Variants in MYT1L observed in about 807,000 individuals in gnomAD.
The protein encoded by MYT1L is myelin transcription factor 1 like, also known as myelin transcription factor 1-like protein.
MYT1L carries 12 observed loss-of-function variants against 126.7 expected under a neutral mutation model. That is an observed-to-expected ratio of 0.09 (90% CI 0.06 to 0.15). The LOEUF (loss-of-function observed/expected upper bound fraction) is 0.15. MYT1L is among the 10% of genes least tolerant of loss of function. The pLI, the probability that MYT1L is intolerant of heterozygous loss-of-function variation, is 1.00. For synonymous variants in MYT1L, 541 were observed against 604.2 expected (o/e 0.90, Z 1.53); for missense variants, 979 against 1,585.2 (o/e 0.62, Z 6.49).
intron 3 of MYT1L, among the ~76,000 whole-genome samples, chr2:2,136,722 A>G (rs1021292292): frequency 7.7e-6 from 1 of 129,124 alleles, no homozygotes; most frequent in Non-Finnish European, 1.6e-5. Flanking sequence ...CATCCTCGTG[A>G]GGCTTGTTTA....
intron 2 of MYT1L, among the ~76,000 whole-genome samples, chr2:2,222,408 C>G (rs983454319): frequency 4.1e-5 from 3 of 73,056 alleles, no homozygotes; most frequent in Non-Finnish European, 9.4e-5. Flanking sequence ...AGGAGAATCA[C>G]TTGAACCTGG....
intron 23 of MYT1L, among the ~76,000 whole-genome samples, chr2:1,794,973 A>G (rs1180084184): frequency 3.3e-5 from 5 of 152,180 alleles, no homozygotes; most frequent in African/African-American, 1.2e-4. Context: ...CCAAAACCAG[A>G]ACCGACGGGT....
chr2:1,903,952 C>T lies in MYT1L; in HGVS notation c.1818-658G>A, dbSNP rs547503660. Among the ~76,000 whole-genome samples the T allele has an allele frequency of 4.7e-5, 7 of 149,096 alleles. No homozygotes were observed. In the South Asian group the frequency reaches 6.3e-4, roughly 13 times the overall value. ...GTGTGTGTGTGTGTGTGTGTGTGCG[C>T]GTGCGCGCGTGTGTGTGTCCACCTC... On this transcript the variant is annotated intron_variant, in intron 13 of 24. Coordinates refer to ENST00000647738, the MANE Select transcript of MYT1L (RefSeq NM_001303052.2).
chr2:2,309,456 A>C (rs934937727), intron 1 of MYT1L, among the ~76,000 whole-genome samples: 2 of 151,250 alleles, frequency 1.3e-5, no homozygotes, highest in Admixed American at 1.3e-4. Context: ...CTCTACATAG[A>C]CTCCACCTAC....
chr2:2,121,956 GC>G (rs2081075213), intron 3 of MYT1L, among the ~76,000 whole-genome samples: 1 of 152,150 alleles, frequency 6.6e-6, no homozygotes, highest in Non-Finnish European at 1.5e-5. Flanking sequence ...GCTGATGCCG[GC>G]CCCGATGGCA....
intron 4 of MYT1L, among the ~76,000 whole-genome samples, chr2:2,012,162 G>A (rs2063893515): frequency 6.6e-6 from 1 of 152,152 alleles, no homozygotes; most frequent in African/African-American, 2.4e-5. Context: ...CAGCCAAAAT[G>A]GAATCTCCTT....
intron 2 of MYT1L, among the ~76,000 whole-genome samples, chr2:2,251,906 A>T (rs2094661906): frequency 6.6e-6 from 1 of 151,874 alleles, no homozygotes; most frequent in Admixed American, 6.6e-5. Flanking sequence ...GAAAGAAAGA[A>T]AAGAAAAAGA....
intron 4 of MYT1L, among the ~76,000 whole-genome samples, chr2:2,031,544 G>A (rs1395674275): frequency 2.1e-5 from 3 of 143,280 alleles, no homozygotes; most frequent in Non-Finnish European, 4.5e-5. Flanking sequence ...CTCATCCTGT[G>A]GCCCAGAGCA....
intron 22 of MYT1L, among the ~76,000 whole-genome samples, chr2:1,808,473 A>C (rs745557555): frequency 4.6e-5 from 7 of 152,154 alleles, no homozygotes; most frequent in Non-Finnish European, 8.8e-5. Flanking sequence ...TCGCAAATAG[A>C]GTCCCCAGAT....
chr2:1,796,618 C>G (rs1572300211), intron 23 of MYT1L, among the ~76,000 whole-genome samples: 1 of 152,174 alleles, frequency 6.6e-6, no homozygotes, highest in Admixed American at 6.5e-5. Flanking sequence ...CTTTTATACT[C>G]AAATACCCCC....
intron 8 of MYT1L, among the ~76,000 whole-genome samples, chr2:1,958,447 C>T (rs1027751580): frequency 6.6e-6 from 1 of 152,196 alleles, no homozygotes; most frequent in African/African-American, 2.4e-5. Flanking sequence ...AGATGGAACC[C>T]AGATAGGGTT....
intron 18 of MYT1L, among the ~76,000 whole-genome samples, chr2:1,871,945 A>G (rs955302833): frequency 3.9e-5 from 6 of 152,148 alleles, no homozygotes; most frequent in South Asian, 2.1e-4. Flanking sequence ...GAAGCGCCAC[A>G]TGGATTCTGG....
chr2:1,900,996 C>T (rs1263428405), intron 14 of MYT1L, among the ~76,000 whole-genome samples: 4 of 152,220 alleles, frequency 2.6e-5, no homozygotes, highest in Non-Finnish European at 5.9e-5. Context: ...TTCACTGCAG[C>T]CTCGCAAGGT....
At chr2:1,853,420 C>G (rs777950830) in intron 18 of MYT1L, among the ~76,000 whole-genome samples, 5 of 152,088 alleles carry the variant, frequency 3.3e-5, no homozygotes, top group Non-Finnish European at 7.3e-5. Context: ...AAAGTTTGAT[C>G]GTAAGACTAT....
intron 2 of MYT1L, among the ~76,000 whole-genome samples, chr2:2,196,810 A>G (rs974582051): frequency 6.6e-6 from 1 of 152,020 alleles, no homozygotes; most frequent in African/African-American, 2.4e-5. Context: ...GTCATAAAAA[A>G]GGAGGAAAAT....
intron 2 of MYT1L, among the ~76,000 whole-genome samples, chr2:2,282,993 T>C (rs928316856): frequency 6.6e-6 from 1 of 152,178 alleles, no homozygotes; most frequent in Non-Finnish European, 1.5e-5. Context: ...GAGAATACCT[T>C]GAACCCCGGA....
chr2:2,152,278 T>C (rs1047186530), intron 3 of MYT1L, among the ~76,000 whole-genome samples: 2 of 152,242 alleles, frequency 1.3e-5, no homozygotes, highest in Admixed American at 6.5e-5. Flanking sequence ...GGAACAATTC[T>C]GGTCCAGAGC....
intron 4 of MYT1L, among the ~76,000 whole-genome samples, chr2:2,036,723 G>A (rs115892173): frequency 0.017 from 2,522 of 152,230 alleles, 70 homozygotes; most frequent in African/African-American, 0.056. Context: ...CCTGACTAAT[G>A]CAGCTGCTTT....
At chr2:1,894,619 A>T (rs1262631913) in intron 14 of MYT1L, among the ~76,000 whole-genome samples, 1 of 56,842 alleles carries the variant, frequency 1.8e-5, no homozygotes, top group Admixed American at 1.2e-4. Context: ...CACATAAATT[A>T]AAAAAAATAA....
Sources: gnomAD v4.1 joint callset for allele counts (sites outside exome capture counted in the v4.1 genomes callset) on GRCh38, gnomAD v4.1.1 for gene constraint, MANE v1.5 for transcripts, NCBI Gene and HGNC (gene_info 2026-07-23, HGNC 2026-07-21) for gene names.